The following EPB41L5 variants were observed in gnomAD, a reference collection of about 807,000 sequenced individuals.
EPB41L5 encodes the protein erythrocyte membrane protein band 4.1 like 5.
In EPB41L5, 55 loss-of-function variants were observed where a neutral mutation model predicts 106.6. The observed-to-expected ratio is 0.52, with a 90% CI of 0.42 to 0.65. The LOEUF (loss-of-function observed/expected upper bound fraction) is 0.65. Among genes scored for constraint, EPB41L5 ranks in the 30% least tolerant of loss-of-function variants. The pLI is 0.00. For missense variants in EPB41L5, 871 were observed against 882.1 expected (o/e 0.99, Z 0.16); for synonymous variants, 297 against 306.7 (o/e 0.97, Z 0.33).
At chr2:120,066,802 T>C (rs1681474833) in intron 3 of EPB41L5, among the ~76,000 whole-genome samples, 1 of 152,226 alleles carries the variant, frequency 6.6e-6, no homozygotes, top group Non-Finnish European at 1.5e-5. Context: ...ATCTGGGGCA[T>C]GAAAACTAGT....
Position 120,118,375 on chromosome 2 carries a change from C to G in EPB41L5, c.1338-9313C>G, listed in dbSNP as rs75085281. ...TTTTCTTTAACTTTTATTTTAAGCT[C>G]AGGGGTACATGTGCAGAACGTGCAG... On this transcript the variant is annotated intron_variant, in intron 16 of 24. Transcript: ENST00000263713. 5.2e-3 allele frequency among the ~76,000 whole-genome samples: 791 copies of G among 152,184 alleles called. 4 individuals are homozygous for G. Among genetic ancestry groups the G allele is most frequent in the African/African-American group, 0.018 (761 of 41,516 alleles).
chr2:120,095,972 C>T (rs1378551878), intron 14 of EPB41L5, among the ~76,000 whole-genome samples: 3 of 151,920 alleles, frequency 2.0e-5, no homozygotes, highest in Non-Finnish European at 4.4e-5. Context: ...GCCCAGCCGG[C>T]TCCATTAATT....
At chr2:120,076,880 ATCTT>A (rs1008002256) in intron 7 of EPB41L5, 87 bp from the exon 8 acceptor site, 70 of 1,190,916 alleles carry the variant, frequency 5.9e-5, no homozygotes, top group Non-Finnish European at 7.9e-5. Context: ...ATTCCTAAGA[ATCTT>A]TCTAATCTTA....
intron 14 of EPB41L5, among the ~76,000 whole-genome samples, chr2:120,098,153 G>A (rs1281256173): frequency 1.5e-4 from 2 of 13,608 alleles, no homozygotes; most frequent in Non-Finnish European, 3.4e-4. Context: ...TAAATTGTTT[G>A]TTTTGTGTGT....
Position 120,104,389 on chromosome 2 carries a change from C to A in EPB41L5, c.1337+3575C>A, listed in dbSNP as rs1483538789. On this transcript the variant is annotated intron_variant, in intron 16 of 24. Transcript: ENST00000263713. Reference sequence around the variant, plus strand: ...GTTCAGTGCTGTTTGTAATTGAATTCTTCCATGAAAGGGACAAGGAATCAA... The same window carrying A: ...GTTCAGTGCTGTTTGTAATTGAATTATTCCATGAAAGGGACAAGGAATCAA... 3.6e-6 allele frequency: 5 copies of A among 1,391,244 alleles called. No homozygotes were observed. The African/African-American group carries it at 4.4e-5, about 12-fold the overall frequency. 86.2% of individuals were successfully genotyped at this position (1,391,244 alleles called of 1,614,324 possible).
chr2:120,137,819 TAGA>T (rs1195677116), intron 18 of EPB41L5, among the ~76,000 whole-genome samples: 2 of 151,958 alleles, frequency 1.3e-5, no homozygotes, highest in African/African-American at 4.8e-5. Context: ...TTCCAAAAAA[TAGA>T]GGAGGAAAGA....
intron 18 of EPB41L5, among the ~76,000 whole-genome samples, chr2:120,136,423 G>A (rs551482809): frequency 1.3e-5 from 2 of 150,526 alleles, no homozygotes; most frequent in Non-Finnish European, 3.0e-5. Flanking sequence ...AATATTGAAT[G>A]TAAATGAACT....
In EPB41L5 at chr2:120,148,146, TTTTC is replaced by T. The variant is rs1048120442; in HGVS notation, c.1793+1865_1793+1868del. On this transcript the variant is annotated intron_variant, in intron 20 of 24. Coordinates refer to ENST00000263713, the MANE Select transcript of EPB41L5 (RefSeq NM_020909.4). ...TTTTACCATAATAGATTTAGATCAT[TTTTC>T]TTTCTTTTTTTTACTGACATAATTC... Among the ~76,000 whole-genome samples the T allele has an allele frequency of 6.0e-4, 92 of 152,208 alleles. 1 individual carries two copies. The highest frequency in any genetic ancestry group is 1.1e-3 in the African/African-American group (47 of 41,536).
chr2:120,063,913 G>C (rs1558839103), intron 3 of EPB41L5, among the ~76,000 whole-genome samples: 2 of 151,982 alleles, frequency 1.3e-5, no homozygotes, highest in Non-Finnish European at 2.9e-5. Context: ...CTGCACTCCA[G>C]CCTGGGTGAC....
At chr2:120,165,953 G>C (rs1687380849) in intron 22 of EPB41L5, among the ~76,000 whole-genome samples, 1 of 121,078 alleles carries the variant, frequency 8.3e-6, no homozygotes, top group African/African-American at 3.1e-5. Flanking sequence ...GGGCGACACA[G>C]TGAGACTCCG....
intron 19 of EPB41L5, 87 bp from the exon 20 acceptor site, chr2:120,146,136 TTC>T (rs1434521109): frequency 2.5e-6 from 2 of 798,264 alleles, no homozygotes; most frequent in Non-Finnish European, 2.1e-6. Flanking sequence ...AAACTGATAT[TTC>T]TGTTGTTACC....
At position 120,144,760 on chromosome 2, in the gene EPB41L5, C is replaced by G. The variant is rs1336076103; in HGVS notation, c.1729-1465C>G. ...GACCACTACTCCTCTTGAACATTAA[C>G]TTAAAAGTTCTTAACAAAATATATT... On this transcript the variant is annotated intron_variant, in intron 19 of 24. Transcript: ENST00000263713. Among the ~76,000 whole-genome samples, 3 of 152,156 alleles carry G rather than the reference C, an allele frequency of 2.0e-5. No individual in the cohort carries two copies. In the East Asian group the frequency reaches 5.8e-4, roughly 29 times the overall value.
rs1679859189 is a variant in EPB41L5 at position 120,047,336 on chromosome 2, T to C, written c.285+5226T>C. Among the ~76,000 whole-genome samples the C allele has an allele frequency of 2.6e-5, 4 of 152,190 alleles. No individual in the cohort carries two copies. In the South Asian group the frequency reaches 8.3e-4, roughly 32 times the overall value. ...TTTGTTTGTGTCCTCTTTTATTTTG[T>C]TGAGCAGTGGTTTGTAGTTCTCCTT... On this transcript the variant is annotated intron_variant, in intron 3 of 24. Coordinates refer to ENST00000263713, the MANE Select transcript of EPB41L5 (RefSeq NM_020909.4).
intron 1 of EPB41L5, among the ~76,000 whole-genome samples, chr2:120,016,327 G>A (rs1385170987): frequency 6.6e-6 from 1 of 152,054 alleles, no homozygotes. Flanking sequence ...CTACTCAGGA[G>A]GCCAAGGCAA....
At position 120,029,279 on chromosome 2, in the gene EPB41L5, C is replaced by G. The variant is rs138987305; in HGVS notation, c.180+10015C>G. 8.4e-3 allele frequency among the ~76,000 whole-genome samples: 1,283 copies of G among 152,268 alleles called. 17 individuals are homozygous for G. Among genetic ancestry groups the G allele is most frequent in the African/African-American group, 0.029 (1,217 of 41,530 alleles). ...TCCCCAGTTCAAGCAGTTCTCCTGC[C>G]TCAGCCTCTCAAGTAGCTGGGATTA... is the stretch of plus-strand genomic sequence containing the variant. On this transcript the variant is annotated intron_variant, in intron 2 of 24. Coordinates refer to ENST00000263713, the MANE Select transcript of EPB41L5 (RefSeq NM_020909.4).
At chr2:120,024,272 G>A (rs1678153201) in intron 2 of EPB41L5, among the ~76,000 whole-genome samples, 1 of 152,138 alleles carries the variant, frequency 6.6e-6, no homozygotes. Flanking sequence ...CAAAGGGAAT[G>A]CTTCCAGTTT....
intron 16 of EPB41L5, among the ~76,000 whole-genome samples, chr2:120,121,062 A>G (rs1038779587): frequency 1.3e-5 from 2 of 151,528 alleles, no homozygotes; most frequent in Non-Finnish European, 3.0e-5. Flanking sequence ...GGCCGCAGTG[A>G]GCCAAGATTG....
At chr2:120,074,569 A>T (rs1023965885) in intron 5 of EPB41L5, among the ~76,000 whole-genome samples, 5 of 152,176 alleles carry the variant, frequency 3.3e-5, no homozygotes, top group African/African-American at 1.2e-4. Context: ...TACTCATTGA[A>T]ATGCCATTGA....
At chr2:120,101,825 A>T (rs1684160295) in intron 16 of EPB41L5, among the ~76,000 whole-genome samples, 2 of 152,130 alleles carry the variant, frequency 1.3e-5, no homozygotes, top group African/African-American at 4.8e-5. Context: ...TGATTAGTTT[A>T]TAAGATTGAG....
Sources: allele counts gnomAD v4.1 joint callset (sites outside exome capture counted in the v4.1 genomes callset), GRCh38; gene constraint gnomAD v4.1.1; transcripts MANE v1.5; gene names NCBI Gene and HGNC (gene_info 2026-07-23, HGNC 2026-07-21).